Variants in ACTN2 observed in about 807,000 individuals in gnomAD.
ACTN2 encodes the protein alpha-actinin-2.
Under a neutral mutation model 113.8 loss-of-function variants are expected in ACTN2, and 39 were observed. The ratio of observed to expected loss-of-function variants is 0.34; its 90% CI spans 0.27 to 0.45. ACTN2 has a LOEUF of 0.45. Among genes scored for constraint, ACTN2 ranks in the 20% least tolerant of loss-of-function variants. The pLI is 1.00. For missense variants in ACTN2, 992 were observed against 1,177.9 expected (o/e 0.84, Z 2.31); for synonymous variants, 429 against 444.1 (o/e 0.97, Z 0.43).
chr1:236,732,203 G>A (rs189764975), intron 7 of ACTN2, among the ~76,000 whole-genome samples: 50 of 152,198 alleles, frequency 3.3e-4, no homozygotes, highest in African/African-American at 9.9e-4. Flanking sequence ...ACAAATTACT[G>A]CAAACTGGGC....
chr1:236,728,626 T>C (rs1437208012), intron 6 of ACTN2, among the ~76,000 whole-genome samples: 14 of 125,712 alleles, frequency 1.1e-4, no homozygotes, highest in Admixed American at 9.2e-4. Context: ...CGTTTTTTTT[T>C]AGTTTTGCTT....
chr1:236,741,777 A>T (rs1398708368), intron 10 of ACTN2, among the ~76,000 whole-genome samples: 1 of 152,198 alleles, frequency 6.6e-6, no homozygotes, highest in Non-Finnish European at 1.5e-5. Flanking sequence ...CATCCCGCCT[A>T]CATCAGCCTC....
At chr1:236,733,359 C>T (rs1186370914) in intron 7 of ACTN2, among the ~76,000 whole-genome samples, 5 of 152,156 alleles carry the variant, frequency 3.3e-5, no homozygotes, top group African/African-American at 4.8e-5. Context: ...GTTACTCTGG[C>T]GCTGCTAATA....
chr1:236,740,094 C>T (rs926165546), intron 10 of ACTN2, among the ~76,000 whole-genome samples: 31 of 152,130 alleles, frequency 2.0e-4, no homozygotes, highest in African/African-American at 6.3e-4. Flanking sequence ...TACCTATTTC[C>T]GCTCCCTCCC....
intron 1 of ACTN2, among the ~76,000 whole-genome samples, chr1:236,695,592 C>T (rs1486079865): frequency 8.3e-6 from 1 of 119,994 alleles, no homozygotes; most frequent in Middle Eastern, 6.3e-3. Flanking sequence ...TGAAAACCTT[C>T]ACCCACTTAA....
intron 1 of ACTN2, among the ~76,000 whole-genome samples, chr1:236,695,048 C>G (rs1019232709): frequency 1.3e-5 from 2 of 151,718 alleles, no homozygotes; most frequent in Non-Finnish European, 2.9e-5. Flanking sequence ...CTCTGGGTGA[C>G]AGAGTGAGAA....
intron 12 of ACTN2, among the ~76,000 whole-genome samples, chr1:236,746,825 C>T (rs1654266228): frequency 6.6e-6 from 1 of 152,138 alleles, no homozygotes; most frequent in Non-Finnish European, 1.5e-5. Flanking sequence ...CCTTGCTTGT[C>T]ACTCTAGTGG....
At chr1:236,713,418 G>A (rs1281040822) in intron 1 of ACTN2, among the ~76,000 whole-genome samples, 1 of 152,106 alleles carries the variant, frequency 6.6e-6, no homozygotes, top group Non-Finnish European at 1.5e-5. Flanking sequence ...GTAGAGACAG[G>A]GTTTCTCCGT....
At position 236,745,209 on chromosome 1, in the gene ACTN2, C is replaced by T. The variant is rs373862716; in HGVS notation, c.1406+433C>T. 3.2e-4 allele frequency among the ~76,000 whole-genome samples: 49 copies of T among 152,046 alleles called. No individual in the cohort carries two copies. The East Asian group carries it at 4.5e-3, about 14-fold the overall frequency. On this transcript the variant is annotated intron_variant, in intron 12 of 20. Coordinates refer to ENST00000366578, the MANE Select transcript of ACTN2 (RefSeq NM_001103.4). ...CAGCACTTTGGGAGGCTGAGGCGGG[C>T]GAATCATGAGGTCAGGAGATCGAGA...
chr1:236,697,497 A>G (rs1044089058), intron 1 of ACTN2, among the ~76,000 whole-genome samples: 3 of 152,212 alleles, frequency 2.0e-5, no homozygotes, highest in Non-Finnish European at 1.5e-5. Context: ...CTAAGACTAG[A>G]GGACTCCTAG....
chr1:236,687,328 T>C (rs540609248), intron 1 of ACTN2, among the ~76,000 whole-genome samples: 5 of 152,294 alleles, frequency 3.3e-5, no homozygotes, highest in African/African-American at 1.2e-4. Context: ...GTGACAATTA[T>C]TTCACACTCT....
At chr1:236,687,082 G>A (rs1665900100) in intron 1 of ACTN2, among the ~76,000 whole-genome samples, 1 of 152,056 alleles carries the variant, frequency 6.6e-6, no homozygotes, top group Non-Finnish European at 1.5e-5. Context: ...ATCTGAAGGG[G>A]TCTCTGGTCT....
chr1:236,735,544 T>C (rs1572128920), intron 7 of ACTN2, 91 bp from the exon 8 acceptor site: 2 of 1,195,298 alleles, frequency 1.7e-6, no homozygotes, highest in Non-Finnish European at 2.5e-6. Flanking sequence ...CAATTTGTTC[T>C]TCCCTCTGTT....
At chr1:236,752,351 G>A (rs1477043617) in intron 15 of ACTN2, among the ~76,000 whole-genome samples, 6 of 152,010 alleles carry the variant, frequency 3.9e-5, no homozygotes, top group South Asian at 2.1e-4. Context: ...TATAAACAGC[G>A]CAAAAGACAA....
At position 236,762,946 on chromosome 1, in the gene ACTN2, A is replaced by C; in HGVS notation, c.*327A>C. 1 of 345,316 alleles carries C rather than the reference A, an allele frequency of 2.9e-6. No individual in the cohort carries two copies. The highest frequency in any genetic ancestry group is 2.6e-5 in the South Asian group (1 of 39,146). 21.4% of individuals were successfully genotyped at this position (345,316 alleles called of 1,614,324 possible). A position where few individuals can be genotyped will look rare whatever the true frequency, so the allele number is the denominator to read the frequency against. On this transcript the variant is annotated 3_prime_UTR_variant, in exon 21 of 21. Coordinates refer to ENST00000366578, the MANE Select transcript of ACTN2 (RefSeq NM_001103.4). ...GGATCTAGGGACAGAAGGAAAGTGA[A>C]AAATGTGAAAATACAAAATACCCAA...
chr1:236,745,480 C>T (rs1659205937), intron 12 of ACTN2, among the ~76,000 whole-genome samples: 1 of 152,134 alleles, frequency 6.6e-6, no homozygotes, highest in Admixed American at 6.5e-5. Flanking sequence ...GTGGGCACTG[C>T]CTCACGTGTG....
chr1:236,750,993 G>A (rs1212740299), intron 14 of ACTN2, among the ~76,000 whole-genome samples: 1 of 150,550 alleles, frequency 6.6e-6, no homozygotes, highest in Non-Finnish European at 1.5e-5. Context: ...AGGAGACTGA[G>A]GCAGGAGGAT....
At chr1:236,762,088 C>T (rs183808157) in intron 20 of ACTN2, among the ~76,000 whole-genome samples, 1 of 152,210 alleles carries the variant, frequency 6.6e-6, no homozygotes, top group African/African-American at 2.4e-5. Flanking sequence ...TGACTTTTAC[C>T]AACCAGACTA....
intron 4 of ACTN2, among the ~76,000 whole-genome samples, chr1:236,721,000 CT>C (rs1658367026): frequency 9.9e-6 from 1 of 100,588 alleles, no homozygotes; most frequent in Non-Finnish European, 2.0e-5. Flanking sequence ...ACAGTAGCCT[CT>C]GACTCTGGTT....
Sources: gnomAD v4.1 joint callset for allele counts (sites outside exome capture counted in the v4.1 genomes callset) on GRCh38, gnomAD v4.1.1 for gene constraint, MANE v1.5 for transcripts, NCBI Gene and HGNC (gene_info 2026-07-23, HGNC 2026-07-21) for gene names.